The following RASGRF2 variants were observed in gnomAD, a reference collection of about 807,000 sequenced individuals.
RASGRF2 encodes the protein Ras protein specific guanine nucleotide releasing factor 2.
A neutral mutation model predicts 151.0 loss-of-function variants in RASGRF2; 76 were observed. The observed-to-expected ratio is 0.50, with a 90% CI of 0.42 to 0.61. The LOEUF (loss-of-function observed/expected upper bound fraction) is 0.61, where lower values mean the gene tolerates loss of function less well. Ranked by LOEUF, RASGRF2 falls within the 20% of genes least tolerant of loss-of-function variation. The probability of loss-of-function intolerance (pLI) is 0.00; values close to 1 mark genes in which losing one functional copy is unlikely to be tolerated. For missense variants in RASGRF2, 1,148 were observed against 1,564.6 expected (o/e 0.73, Z 4.49); for synonymous variants, 504 against 566.5 (o/e 0.89, Z 1.57).
At chr5:81,028,551 A>T (rs533020850) in intron 1 of RASGRF2, among the ~76,000 whole-genome samples, 140 of 152,334 alleles carry the variant, frequency 9.2e-4, no homozygotes, top group African/African-American at 3.3e-3. Context: ...TGGAAATAGC[A>T]TCCATGAAAA....
At chr5:81,173,434 A>G (rs1318305097) in intron 17 of RASGRF2, among the ~76,000 whole-genome samples, 1 of 152,236 alleles carries the variant, frequency 6.6e-6, no homozygotes, top group African/African-American at 2.4e-5. Flanking sequence ...TGAATATACC[A>G]GCAGATTACT....
intron 1 of RASGRF2, among the ~76,000 whole-genome samples, chr5:81,016,125 G>A (rs371571905): frequency 2.6e-5 from 4 of 152,240 alleles, no homozygotes; most frequent in African/African-American, 7.2e-5. Flanking sequence ...GCTGGGAGTG[G>A]GGTGAAGAGA....
chr5:81,001,815 A>G (rs895686676), intron 1 of RASGRF2, among the ~76,000 whole-genome samples: 2 of 152,192 alleles, frequency 1.3e-5, no homozygotes, highest in Non-Finnish European at 2.9e-5. Context: ...TTAATAGACA[A>G]ACAGTGCCCA....
At chr5:81,208,612 C>T (rs551419905) in intron 22 of RASGRF2, among the ~76,000 whole-genome samples, 174 bp downstream of exon 22, 51 of 133,430 alleles carry the variant, frequency 3.8e-4, no homozygotes, top group Non-Finnish European at 6.3e-4. Flanking sequence ...AGTGCAATGG[C>T]GTGATCTCAG....
intron 10 of RASGRF2, among the ~76,000 whole-genome samples, chr5:81,093,329 T>A (rs1269110880): frequency 2.0e-5 from 3 of 152,212 alleles, no homozygotes; most frequent in African/African-American, 7.2e-5. Flanking sequence ...ATTTGCTAAA[T>A]CCTATTTTAT....
At chr5:81,089,411 A>G (rs1752330450) in intron 9 of RASGRF2, among the ~76,000 whole-genome samples, 1 of 152,196 alleles carries the variant, frequency 6.6e-6, no homozygotes, top group Non-Finnish European at 1.5e-5. Context: ...CATAAGAACT[A>G]GAAAAATACG....
intron 1 of RASGRF2, among the ~76,000 whole-genome samples, chr5:80,996,502 T>TTCTTCTTCTTCTTCTTCTTCTTCC (rs1561544704): frequency 8.5e-5 from 5 of 59,074 alleles, no homozygotes; most frequent in South Asian, 9.4e-4. Context: ...CTTCTTCTTC[T>TTCTTCTTCTTCTTCTTCTTCTTCC]TCCTCCTCCT....
At chr5:81,128,604 C>T (rs1224494352) in intron 17 of RASGRF2, among the ~76,000 whole-genome samples, 1 of 152,004 alleles carries the variant, frequency 6.6e-6, no homozygotes, top group African/African-American at 2.4e-5. Context: ...AAAGCATATG[C>T]AAGGTGGGAG....
chr5:81,051,465 T>C (rs1221251420), intron 2 of RASGRF2, among the ~76,000 whole-genome samples: 1 of 152,134 alleles, frequency 6.6e-6, no homozygotes, highest in Non-Finnish European at 1.5e-5. Flanking sequence ...AAACCCCATA[T>C]CCGATAGCTG....
intron 1 of RASGRF2, among the ~76,000 whole-genome samples, chr5:81,028,121 G>T (rs1193656381): frequency 1.3e-5 from 2 of 152,010 alleles, no homozygotes; most frequent in Non-Finnish European, 2.9e-5. Context: ...TACAGAATTG[G>T]AGGGAAATCT....
chr5:81,153,284 C>T (rs1238661993), intron 17 of RASGRF2, among the ~76,000 whole-genome samples: 2 of 152,146 alleles, frequency 1.3e-5, no homozygotes, highest in Non-Finnish European at 2.9e-5. Flanking sequence ...TGCAAATCAG[C>T]TGATCGTCAG....
At chr5:81,193,819 G>A (rs188662462) in intron 18 of RASGRF2, among the ~76,000 whole-genome samples, 8 of 152,138 alleles carry the variant, frequency 5.3e-5, no homozygotes, top group Admixed American at 2.0e-4. Context: ...TGCCCAGCTC[G>A]ATAGTTGCTT....
intron 17 of RASGRF2, among the ~76,000 whole-genome samples, chr5:81,143,469 T>A (rs1223067134): frequency 2.6e-5 from 4 of 152,202 alleles, no homozygotes; most frequent in South Asian, 2.1e-4. Context: ...ACAAATTTTT[T>A]AATAATAACA....
intron 1 of RASGRF2, among the ~76,000 whole-genome samples, chr5:80,983,515 C>T (rs1163718737): frequency 1.3e-5 from 2 of 152,236 alleles, no homozygotes; most frequent in Admixed American, 6.5e-5. Context: ...CTGGGCAGCC[C>T]GCCCTAGGCA....
At chr5:81,192,513 A>G (rs551809861) in intron 18 of RASGRF2, among the ~76,000 whole-genome samples, 1 of 152,366 alleles carries the variant, frequency 6.6e-6, no homozygotes, top group East Asian at 1.9e-4. Flanking sequence ...GCCCTGATTC[A>G]GAGTCCCTGT....
chr5:81,219,075 C>CTT (rs201871275), intron 25 of RASGRF2, among the ~76,000 whole-genome samples: 166 of 130,554 alleles, frequency 1.3e-3, no homozygotes, highest in African/African-American at 4.4e-3. Flanking sequence ...CAGCCAGGTT[C>CTT]TTTTTTTTTT....
chr5:80,982,558 G>A (rs1748335656), intron 1 of RASGRF2, among the ~76,000 whole-genome samples: 1 of 131,814 alleles, frequency 7.6e-6, no homozygotes, highest in Non-Finnish European at 1.7e-5. Flanking sequence ...CTGGGGGCTG[G>A]AAGTGGGATA....
chr5:80,995,818 G>A (rs2112274899), intron 1 of RASGRF2, among the ~76,000 whole-genome samples: 1 of 150,748 alleles, frequency 6.6e-6, no homozygotes, highest in Non-Finnish European at 1.5e-5. Flanking sequence ...TCAGCTTCCT[G>A]AGTAGCTGTG....
At chr5:81,152,190 C>T (rs576003494) in intron 17 of RASGRF2, among the ~76,000 whole-genome samples, 34 of 152,078 alleles carry the variant, frequency 2.2e-4, no homozygotes, top group African/African-American at 7.7e-4. Context: ...TTGGTAGAGA[C>T]GGGGATTCAT....
Sources: allele counts gnomAD v4.1 joint callset (sites outside exome capture counted in the v4.1 genomes callset), GRCh38; gene constraint gnomAD v4.1.1; transcripts MANE v1.5; gene names NCBI Gene and HGNC (gene_info 2026-07-23, HGNC 2026-07-21).